The following AGMO variants were observed in gnomAD, a reference collection of about 807,000 sequenced individuals.
AGMO encodes glyceryl-ether monooxygenase.
AGMO carries 75 observed loss-of-function variants against 60.2 expected under a neutral mutation model. The observed-to-expected ratio is 1.25, with a 90% CI of 1.03 to 1.51. The LOEUF (loss-of-function observed/expected upper bound fraction) is 1.51. Ranked by LOEUF, AGMO falls within the 40% of genes most tolerant of loss-of-function variation. The pLI is 0.00. For synonymous variants in AGMO, 261 were observed against 177.1 expected (o/e 1.47, Z -3.76); for missense variants, 763 against 525.5 (o/e 1.45, Z -4.42).
At chr7:15,380,662 C>A (rs1187175184) in intron 10 of AGMO, among the ~76,000 whole-genome samples, 1 of 152,144 alleles carries the variant, frequency 6.6e-6, no homozygotes, top group Non-Finnish European at 1.5e-5. Context: ...TCATTCTTCA[C>A]AGAATTAGAA....
chr7:15,389,850 C>G (rs1784064720), intron 8 of AGMO, among the ~76,000 whole-genome samples: 1 of 152,146 alleles, frequency 6.6e-6, no homozygotes, highest in Non-Finnish European at 1.5e-5. Flanking sequence ...TAGCAGTGCA[C>G]ATAGTAGAAG....
the AGMO span, among the ~76,000 whole-genome samples, chr7:15,163,182 A>G: frequency 6.6e-6 from 1 of 152,122 alleles, no homozygotes; most frequent in African/African-American, 2.4e-5. Flanking sequence ...TGTATCCTGA[A>G]AATTTACTGA....
intron 12 of AGMO, among the ~76,000 whole-genome samples, chr7:15,252,329 C>T (rs1418930794): frequency 6.6e-6 from 1 of 152,186 alleles, no homozygotes; most frequent in East Asian, 1.9e-4. Context: ...CCTTCTAGTA[C>T]TCATGCCCTG....
intron 12 of AGMO, among the ~76,000 whole-genome samples, chr7:15,360,492 A>C (rs1215138231): frequency 6.6e-6 from 1 of 152,218 alleles, no homozygotes; most frequent in Admixed American, 6.5e-5. Context: ...AATAAAGCTA[A>C]AGAAAAGAAA....
rs143493466 is a variant in AGMO at position 15,304,017 on chromosome 7, A to C, written c.1263+61497T>G. The stretch of plus-strand genomic sequence containing the variant: ...TTTTCCATGAACTCCTAGAGGCCCA[A>C]GTCTAAAATAACAAACTTGTGTTAG... On this transcript the variant is annotated intron_variant, in intron 12 of 12. Transcript: ENST00000342526. 6.4e-3 allele frequency among the ~76,000 whole-genome samples: 968 copies of C among 152,288 alleles called. 2 individuals are homozygous for C. The highest frequency in any genetic ancestry group is 9.7e-3 in the Non-Finnish European group (657 of 68,008).
At chr7:15,353,918 T>C (rs1381936492) in intron 12 of AGMO, among the ~76,000 whole-genome samples, 1 of 152,162 alleles carries the variant, frequency 6.6e-6, no homozygotes, top group Non-Finnish European at 1.5e-5. Flanking sequence ...TCATGTATTA[T>C]TCTCTTAGGT....
rs546820460 is a variant in AGMO at position 15,362,645 on chromosome 7, T to C, written c.1263+2869A>G. 2.0e-5 allele frequency among the ~76,000 whole-genome samples: 3 copies of C among 152,330 alleles called. No homozygotes were observed. The East Asian group carries it at 5.8e-4, about 29-fold the overall frequency. ...AGAACTGGCCGTGCATGTGCCCAGA[T>C]GGACAGAAGCAGTTTCTGGAAAGAG... On this transcript the variant is annotated intron_variant, in intron 12 of 12. Transcript: ENST00000342526.
intron 2 of AGMO, among the ~76,000 whole-genome samples, chr7:15,555,206 A>T (rs761699759): frequency 2.7e-5 from 4 of 150,900 alleles, no homozygotes; most frequent in South Asian, 2.1e-4. Context: ...ATCAATATTT[A>T]AAAAAGATTA....
chr7:15,554,779 A>G (rs560390061), intron 2 of AGMO, among the ~76,000 whole-genome samples: 1 of 152,200 alleles, frequency 6.6e-6, no homozygotes, highest in East Asian at 1.9e-4. Flanking sequence ...AATCAGAAAT[A>G]AATGTTATTT....
At chr7:15,323,073 A>T in intron 12 of AGMO, among the ~76,000 whole-genome samples, 1 of 151,626 alleles carries the variant, frequency 6.6e-6, no homozygotes, top group East Asian at 1.9e-4. Context: ...AAGGGAAAGA[A>T]ATTAGACTAT....
chr7:15,431,783 A>T (rs1432436285), intron 3 of AGMO, among the ~76,000 whole-genome samples: 1 of 151,836 alleles, frequency 6.6e-6, no homozygotes, highest in Non-Finnish European at 1.5e-5. Flanking sequence ...AAAAAGGAAA[A>T]TGATTGTTGT....
chr7:15,507,538 C>T (rs1030349835), intron 3 of AGMO, among the ~76,000 whole-genome samples: 1 of 151,846 alleles, frequency 6.6e-6, no homozygotes, highest in South Asian at 2.1e-4. Context: ...ATGCCTTCAA[C>T]AAATAAATTA....
chr7:15,254,167 T>C (rs1783027071), intron 12 of AGMO, among the ~76,000 whole-genome samples: 1 of 152,194 alleles, frequency 6.6e-6, no homozygotes, highest in African/African-American at 2.4e-5. Context: ...TTACATATAT[T>C]GGTTATCTTA....
At chr7:15,351,289 C>T (rs1782234399) in intron 12 of AGMO, among the ~76,000 whole-genome samples, 2 of 152,008 alleles carry the variant, frequency 1.3e-5, no homozygotes. Context: ...ACAAAATCTC[C>T]CCGGCTCACT....
chr7:15,265,094 T>C (rs528536363), intron 12 of AGMO, among the ~76,000 whole-genome samples: 1 of 152,282 alleles, frequency 6.6e-6, no homozygotes, highest in South Asian at 2.1e-4. Flanking sequence ...TGGAATACTA[T>C]GCAACTATTA....
chr7:15,542,195 T>G (rs1784647248), intron 3 of AGMO, among the ~76,000 whole-genome samples: 1 of 152,196 alleles, frequency 6.6e-6, no homozygotes, highest in Non-Finnish European at 1.5e-5. Context: ...TTGATACATT[T>G]AAATAAGTTA....
intron 12 of AGMO, among the ~76,000 whole-genome samples, chr7:15,361,423 C>T (rs1249298866): frequency 6.6e-6 from 1 of 150,910 alleles, no homozygotes; most frequent in Non-Finnish European, 1.5e-5. Flanking sequence ...ACCTGTAGTC[C>T]CAGCTACTCA....
At chr7:15,191,973 T>TCA in the AGMO span, among the ~76,000 whole-genome samples, 661 of 144,828 alleles carry the variant, frequency 4.6e-3, 2 homozygotes, top group Non-Finnish European at 6.7e-3. Context: ...TGTCTCTCTC[T>TCA]CACACACACA....
intron 12 of AGMO, among the ~76,000 whole-genome samples, chr7:15,278,583 C>T (rs1009901319): frequency 3.9e-5 from 6 of 152,144 alleles, no homozygotes; most frequent in African/African-American, 9.6e-5. Flanking sequence ...AGCTCTAGCG[C>T]GTTTCACTGG....
Sources: gnomAD v4.1 joint callset for allele counts (sites outside exome capture counted in the v4.1 genomes callset) on GRCh38, gnomAD v4.1.1 for gene constraint, MANE v1.5 for transcripts, NCBI Gene and HGNC (gene_info 2026-07-23, HGNC 2026-07-21) for gene names.